The following ST8SIA6 variants were observed in gnomAD, a reference collection of about 807,000 sequenced individuals.
ST8SIA6 encodes alpha-2,8-sialyltransferase 8F.
Under a neutral mutation model 33.6 loss-of-function variants are expected in ST8SIA6, and 39 were observed. That is an observed-to-expected ratio of 1.16 (90% CI 0.90 to 1.52). The LOEUF (loss-of-function observed/expected upper bound fraction) is 1.52. Among genes scored for constraint, ST8SIA6 ranks in the 40% most tolerant of loss-of-function variants. The pLI, the probability that ST8SIA6 is intolerant of heterozygous loss-of-function variation, is 0.00. For missense variants in ST8SIA6, 441 were observed against 443.8 expected (o/e 0.99, Z 0.06); for synonymous variants, 172 against 167.2 (o/e 1.03, Z -0.22).
intron 4 of ST8SIA6, among the ~76,000 whole-genome samples, chr10:17,333,713 A>ATT (rs1564405114): frequency 3.9e-5 from 1 of 25,688 alleles, no homozygotes; most frequent in Admixed American, 6.3e-4. Flanking sequence ...ATATATATAT[A>ATT]TATATTTTTT....
chr10:17,379,030 G>A (rs1038788942), intron 3 of ST8SIA6, among the ~76,000 whole-genome samples: 2 of 151,916 alleles, frequency 1.3e-5, no homozygotes, highest in African/African-American at 2.4e-5. Context: ...GGAGGCTGAG[G>A]CAGAAGAATC....
intron 2 of ST8SIA6, among the ~76,000 whole-genome samples, chr10:17,435,636 C>T (rs1588922846): frequency 7.0e-6 from 1 of 142,140 alleles, no homozygotes; most frequent in East Asian, 2.2e-4. Context: ...ACAGGGACTC[C>T]CATTTGGGTG....
At position 17,319,988 on chromosome 10, in the gene ST8SIA6, A is replaced by G. The variant is rs556127656; in HGVS notation, c.*890T>C. On this transcript the variant is annotated 3_prime_UTR_variant, in exon 8 of 8. Coordinates refer to ENST00000377602, the MANE Select transcript of ST8SIA6 (RefSeq NM_001004470.3). ...TACTTATCATACCCCATCATAATTA[A>G]TGATATGCACATCTGTTTTCTCCTA... 9.2e-5 allele frequency: 14 copies of G among 152,260 alleles called. No individual in the cohort carries two copies. Among genetic ancestry groups the G allele is most frequent in the Admixed American group, 4.6e-4 (7 of 15,278 alleles). The allele number at this position is 152,260 out of a possible 1,614,324, so 9.4% of individuals were successfully genotyped here. A position where few individuals can be genotyped will look rare whatever the true frequency, so the allele number is the denominator to read the frequency against.
chr10:17,364,510 A>AT (rs1849497394), intron 3 of ST8SIA6, among the ~76,000 whole-genome samples: 1 of 152,216 alleles, frequency 6.6e-6, no homozygotes, highest in Non-Finnish European at 1.5e-5. Flanking sequence ...TCCAATCTGG[A>AT]AATGAAGCCT....
intron 2 of ST8SIA6, among the ~76,000 whole-genome samples, chr10:17,423,157 A>G (rs1290504648): frequency 2.0e-5 from 3 of 152,254 alleles, no homozygotes; most frequent in Non-Finnish European, 4.4e-5. Flanking sequence ...AATTAGACAG[A>G]AGCATTGAAA....
intron 2 of ST8SIA6, chr10:17,408,207 A>T (rs1851336644): frequency 6.6e-6 from 1 of 152,644 alleles, no homozygotes; most frequent in Non-Finnish European, 1.5e-5. Flanking sequence ...CGACCGAAGA[A>T]ACCCTGTCGC....
At chr10:17,429,791 T>G (rs1852048979) in intron 2 of ST8SIA6, among the ~76,000 whole-genome samples, 1 of 152,172 alleles carries the variant, frequency 6.6e-6, no homozygotes, top group African/African-American at 2.4e-5. Context: ...GGCCTTACTT[T>G]TTCAACTTCT....
At chr10:17,323,226 C>CGT (rs1848015753) in intron 6 of ST8SIA6, 69 bp from the exon 7 acceptor site, 51 of 896,456 alleles carry the variant, frequency 5.7e-5, no homozygotes, top group African/African-American at 8.4e-5. Flanking sequence ...CACACATATG[C>CGT]GCGCACACAC....
chr10:17,411,557 A>G (rs1028005646), intron 2 of ST8SIA6, among the ~76,000 whole-genome samples: 6 of 152,222 alleles, frequency 3.9e-5, no homozygotes, highest in African/African-American at 1.4e-4. Flanking sequence ...AGCTGATAAA[A>G]TGCCCCACTG....
intron 4 of ST8SIA6, among the ~76,000 whole-genome samples, chr10:17,340,855 G>A (rs555199743): frequency 9.2e-5 from 14 of 152,142 alleles, no homozygotes; most frequent in Non-Finnish European, 1.9e-4. Flanking sequence ...TTCCATTGCT[G>A]TCACATAGTG....
intron 4 of ST8SIA6, among the ~76,000 whole-genome samples, chr10:17,350,364 G>A (rs566387219): frequency 6.7e-6 from 1 of 149,630 alleles, no homozygotes; most frequent in South Asian, 2.2e-4. Context: ...TTTTAGAATC[G>A]ACTGGCTCAC....
At chr10:17,447,506 A>G (rs1025401513) in intron 2 of ST8SIA6, among the ~76,000 whole-genome samples, 1 of 152,126 alleles carries the variant, frequency 6.6e-6, no homozygotes, top group African/African-American at 2.4e-5. Context: ...AAGTTTCATG[A>G]CTATAATCCA....
intron 2 of ST8SIA6, among the ~76,000 whole-genome samples, chr10:17,439,661 C>T (rs1358067350): frequency 6.6e-6 from 1 of 152,170 alleles, no homozygotes; most frequent in African/African-American, 2.4e-5. Context: ...TGATTTGGTG[C>T]CAGCAATCTC....
At chr10:17,419,048 T>A (rs543697297) in intron 2 of ST8SIA6, among the ~76,000 whole-genome samples, 45 of 151,488 alleles carry the variant, frequency 3.0e-4, no homozygotes, top group African/African-American at 1.1e-3. Context: ...AATCTATGGT[T>A]TCCAAAATAA....
At chr10:17,326,369 G>A (rs1848128439) in intron 6 of ST8SIA6, among the ~76,000 whole-genome samples, 3 of 152,136 alleles carry the variant, frequency 2.0e-5, no homozygotes, top group South Asian at 4.1e-4. Context: ...CCATTACACT[G>A]AGACAGTGGA....
intron 3 of ST8SIA6, among the ~76,000 whole-genome samples, chr10:17,371,239 G>C (rs893720825): frequency 6.6e-6 from 1 of 152,214 alleles, no homozygotes; most frequent in Non-Finnish European, 1.5e-5. Flanking sequence ...CAGGACATCA[G>C]TGTGAGACAG....
At chr10:17,400,670 G>C (rs1440181992) in intron 2 of ST8SIA6, among the ~76,000 whole-genome samples, 2 of 152,150 alleles carry the variant, frequency 1.3e-5, no homozygotes, top group Non-Finnish European at 1.5e-5. Context: ...CAGAACCAAA[G>C]ACAAAAACCA....
chr10:17,420,651 C>A (rs560867141), intron 2 of ST8SIA6, among the ~76,000 whole-genome samples: 14 of 152,276 alleles, frequency 9.2e-5, no homozygotes, highest in African/African-American at 3.4e-4. Context: ...TTCATCCTGC[C>A]AGCTACTGGG....
chr10:17,387,447 CGGGGGGGGGGG>C (rs34921425), intron 3 of ST8SIA6, among the ~76,000 whole-genome samples: 1 of 52,484 alleles, frequency 1.9e-5, no homozygotes, highest in African/African-American at 9.0e-5. Context: ...GGCGGTGGGG[CGGGGGGGGGGG>C]GGTTCTCCAT....
Sources: allele counts gnomAD v4.1 joint callset (sites outside exome capture counted in the v4.1 genomes callset), GRCh38; gene constraint gnomAD v4.1.1; transcripts MANE v1.5; gene names NCBI Gene and HGNC (gene_info 2026-07-23, HGNC 2026-07-21).